Variants in AGL observed in about 807,000 individuals in gnomAD.
AGL encodes glycogen debranching enzyme.
AGL carries 128 observed loss-of-function variants against 199.3 expected under a neutral mutation model. That is an observed-to-expected ratio of 0.64 (90% CI 0.56 to 0.74). AGL has a LOEUF of 0.74. Among genes scored for constraint, AGL ranks in the 30% least tolerant of loss-of-function variants. AGL has a pLI of 0.00. For missense variants in AGL, 1,809 were observed against 1,820.8 expected, an observed-to-expected ratio of 0.99 and a Z score of 0.12; for synonymous variants, 584 against 594.7, an observed-to-expected ratio of 0.98 and a Z score of 0.26.
chr1:99,862,795 C>T (rs1650165828), intron 4 of AGL, among the ~76,000 whole-genome samples: 1 of 152,228 alleles, frequency 6.6e-6, no homozygotes, highest in South Asian at 2.1e-4. Context: ...TGTGATCAAA[C>T]ACCTCTCACC....
chr1:99,913,498 A>G (rs978420744), intron 29 of AGL, 29 bp from the exon 30 acceptor site: 1 of 1,552,508 alleles, frequency 6.4e-7, no homozygotes, highest in Admixed American at 1.7e-5. Context: ...TGAATGATTA[A>G]AACTACCATG....
At chr1:99,896,119 A>G (rs1050701942) in intron 24 of AGL, among the ~76,000 whole-genome samples, 167 bp from the exon 25 acceptor site, 10 of 152,262 alleles carry the variant, frequency 6.6e-5, no homozygotes, top group African/African-American at 1.4e-4. Flanking sequence ...AGAAGTTAAC[A>G]TAAGTATAGA....
intron 21 of AGL, among the ~76,000 whole-genome samples, chr1:99,888,673 T>TA (rs1269488046): frequency 6.6e-6 from 1 of 152,184 alleles, no homozygotes; most frequent in Non-Finnish European, 1.5e-5. Flanking sequence ...TTAAAGGAAT[T>TA]AAGTATTTAT....
At chr1:99,857,868 TC>T (rs1649696348) in intron 2 of AGL, among the ~76,000 whole-genome samples, 1 of 65,200 alleles carries the variant, frequency 1.5e-5, no homozygotes, top group African/African-American at 6.0e-5. Context: ...GGGAGAGGGC[TC>T]TTTTCTTTTC....
At chr1:99,896,639 T>C (rs1653346321) in intron 25 of AGL, among the ~76,000 whole-genome samples, 2 of 152,218 alleles carry the variant, frequency 1.3e-5, no homozygotes, top group Non-Finnish European at 2.9e-5. Flanking sequence ...AGCTAATTTA[T>C]TTCAACAAAA....
At chr1:99,863,230 GC>G (rs1011303262) in intron 4 of AGL, among the ~76,000 whole-genome samples, 34 of 151,870 alleles carry the variant, frequency 2.2e-4, no homozygotes, top group African/African-American at 7.7e-4. Flanking sequence ...GAGCTGCTGT[GC>G]TTGGCCCATA....
At position 99,851,014 on chromosome 1, in the gene AGL, G is replaced by T. The variant is rs1648901467; in HGVS notation, c.-29G>T. The T allele has an allele frequency of 6.4e-7, 1 of 1,570,840 alleles. No homozygotes were observed. Among genetic ancestry groups the T allele is most frequent in the East Asian group, 2.2e-5 (1 of 44,618 alleles). ...ACTGTGGAGTTCTTTTAATTCTTAT[G>T]AAAGATTTCAAATCCTCTAGAAGCC... On this transcript the variant is annotated 5_prime_UTR_variant, in exon 2 of 34. An upstream start codon of the reference 5' UTR is lost. Transcript: ENST00000361915.
At chr1:99,918,986 T>C (rs1009803156) in intron 33 of AGL, among the ~76,000 whole-genome samples, 1 of 152,174 alleles carries the variant, frequency 6.6e-6, no homozygotes, top group African/African-American at 2.4e-5. Context: ...CCTTGTTCTT[T>C]GGTAGTTTCC....
At chr1:99,879,411 C>G (rs1651825664) in intron 12 of AGL, among the ~76,000 whole-genome samples, 1 of 152,028 alleles carries the variant, frequency 6.6e-6, no homozygotes, top group Non-Finnish European at 1.5e-5. Context: ...ATGGAGAAAC[C>G]CCATCTCTAC....
At chr1:99,868,900 T>G (rs1335157195) in intron 5 of AGL, among the ~76,000 whole-genome samples, 1 of 151,362 alleles carries the variant, frequency 6.6e-6, no homozygotes, top group African/African-American at 2.4e-5. Context: ...TCTCAGTTCA[T>G]TGCAACCTCC....
intron 4 of AGL, among the ~76,000 whole-genome samples, chr1:99,863,242 T>C (rs1003575610): frequency 2.0e-5 from 3 of 151,976 alleles, no homozygotes; most frequent in African/African-American, 7.3e-5. Context: ...TTGGCCCATA[T>C]TACATTTTTG....
intron 25 of AGL, among the ~76,000 whole-genome samples, chr1:99,899,919 CTTCTTTCTT>C (rs2100815636): frequency 6.6e-6 from 1 of 151,716 alleles, no homozygotes; most frequent in East Asian, 1.9e-4. Context: ...CACGCCCGGC[CTTCTTTCTT>C]TTCTTTCTTC....
chr1:99,872,808 T>G (rs1231388894), intron 7 of AGL, among the ~76,000 whole-genome samples: 1 of 152,252 alleles, frequency 6.6e-6, no homozygotes, highest in East Asian at 1.9e-4. Flanking sequence ...ATTACAGGCG[T>G]GAGCCACCGC....
intron 27 of AGL, among the ~76,000 whole-genome samples, chr1:99,909,160 G>A (rs1487692246): frequency 6.6e-6 from 1 of 151,944 alleles, no homozygotes; most frequent in Admixed American, 6.5e-5. Context: ...TCAGGAGAGG[G>A]GAGCACTGTC....
At chr1:99,921,482 T>C in intron 33 of AGL, 52 bp from the exon 34 acceptor site, 1 of 1,325,500 alleles carries the variant, frequency 7.5e-7, no homozygotes, top group Non-Finnish European at 1.1e-6. Context: ...TTGCCTATTT[T>C]GTTAATATGA....
intron 21 of AGL, among the ~76,000 whole-genome samples, chr1:99,888,644 A>C (rs985102767): frequency 1.3e-5 from 2 of 152,198 alleles, no homozygotes; most frequent in Non-Finnish European, 2.9e-5. Flanking sequence ...AGTAAAACAT[A>C]CAGTAGTTGT....
chr1:99,882,361 CTT>C (rs953456987), intron 17 of AGL, among the ~76,000 whole-genome samples: 3 of 152,124 alleles, frequency 2.0e-5, no homozygotes, highest in East Asian at 1.9e-4. Context: ...GTATAAATGT[CTT>C]TGTGTGTATA....
chr1:99,902,558 C>T (rs1653925214), intron 26 of AGL, 125 bp from the exon 27 acceptor site: 1 of 770,320 alleles, frequency 1.3e-6, no homozygotes, highest in Non-Finnish European at 2.3e-6. Context: ...CTGGCCTCAC[C>T]CCAATTCCTA....
chr1:99,911,362 AT>A (rs1426457255), intron 28 of AGL, among the ~76,000 whole-genome samples: 25 of 151,898 alleles, frequency 1.6e-4, no homozygotes, highest in African/African-American at 5.3e-4. Flanking sequence ...TATCACCCAA[AT>A]AACGTACTTT....
Sources: gnomAD v4.1 joint callset for allele counts (sites outside exome capture counted in the v4.1 genomes callset) on GRCh38, gnomAD v4.1.1 for gene constraint, MANE v1.5 for transcripts, NCBI Gene and HGNC (gene_info 2026-07-23, HGNC 2026-07-21) for gene names.